Variants in FAM227B observed in about 807,000 individuals in gnomAD.
FAM227B encodes the protein family with sequence similarity 227 member B.
A neutral mutation model predicts 73.8 loss-of-function variants in FAM227B; 88 were observed. The observed-to-expected ratio is 1.19, with a 90% confidence interval of 1.00 to 1.42. The LOEUF is 1.42. Ranked by LOEUF, FAM227B falls within the 40% of genes most tolerant of loss-of-function variation. FAM227B has a pLI of 0.00. For missense variants in FAM227B, 632 were observed against 590.9 expected (o/e 1.07, Z -0.72); for synonymous variants, 210 against 190.5 (o/e 1.10, Z -0.84).
intron 11 of FAM227B, among the ~76,000 whole-genome samples, chr15:49,473,131 A>C (rs2151973843): frequency 6.6e-6 from 1 of 152,224 alleles, no homozygotes; most frequent in Admixed American, 6.5e-5. Flanking sequence ...GTATTTTTTC[A>C]ATTTAGAAAA....
intron 9 of FAM227B, among the ~76,000 whole-genome samples, chr15:49,548,327 G>C (rs1202168640): frequency 1.3e-5 from 2 of 152,132 alleles, no homozygotes; most frequent in Non-Finnish European, 2.9e-5. Flanking sequence ...TACATTGATT[G>C]ATTTGCATAT....
At chr15:49,537,556 A>T in intron 10 of FAM227B, among the ~76,000 whole-genome samples, 1 of 151,926 alleles carries the variant, frequency 6.6e-6, no homozygotes, top group East Asian at 1.9e-4. Flanking sequence ...CAGCAATCTC[A>T]CTTTTGGGTA....
chr15:49,504,426 A>T (rs1297046525), intron 11 of FAM227B, among the ~76,000 whole-genome samples: 1 of 59,338 alleles, frequency 1.7e-5, no homozygotes, highest in African/African-American at 3.5e-5. Context: ...AAAGTATAAT[A>T]AAAAAAAAGA....
At chr15:49,593,106 C>T (rs1951558910) in intron 3 of FAM227B, among the ~76,000 whole-genome samples, 1 of 152,154 alleles carries the variant, frequency 6.6e-6, no homozygotes, top group South Asian at 2.1e-4. Context: ...CTTCCCTTGA[C>T]TAGGAAAGGG....
chr15:49,395,746 G>A (rs12903992), intron 11 of FAM227B, among the ~76,000 whole-genome samples: 9,959 of 152,270 alleles, frequency 0.065, 470 homozygotes, highest in East Asian at 0.18. Flanking sequence ...CAGCGACTAC[G>A]AGGCAGTCTT....
chr15:49,335,966 G>A (rs1427996466), intron 13 of FAM227B, among the ~76,000 whole-genome samples: 1 of 152,026 alleles, frequency 6.6e-6, no homozygotes, highest in Non-Finnish European at 1.5e-5. Context: ...GAATCCTCCT[G>A]CCTCAGCTTC....
intron 10 of FAM227B, among the ~76,000 whole-genome samples, chr15:49,524,738 T>A (rs978387041): frequency 6.6e-6 from 1 of 152,212 alleles, no homozygotes. Flanking sequence ...GGTATGGAAC[T>A]GCCCAAGCCT....
At chr15:49,588,611 T>A (rs1327105616) in intron 4 of FAM227B, among the ~76,000 whole-genome samples, 1 of 120,776 alleles carries the variant, frequency 8.3e-6, no homozygotes, top group Non-Finnish European at 1.7e-5. Flanking sequence ...AAAATTACCT[T>A]TTTTAAAAAA....
chr15:49,616,520 G>C lies in FAM227B; in HGVS notation c.-72-1277C>G, dbSNP rs550926391. ...CTGATGCTCTGTCTATATAAGAGAA[G>C]AGGCTTTGTAAGGACATGGTGAGAA... On this transcript the variant is annotated intron_variant, in intron 1 of 15. Coordinates refer to ENST00000299338, the MANE Select transcript of FAM227B (RefSeq NM_152647.3). Among the ~76,000 whole-genome samples, 43 of 152,150 alleles carry C rather than the reference G, an allele frequency of 2.8e-4. No individual in the cohort carries two copies. The South Asian group carries it at 8.9e-3, about 32-fold the overall frequency.
intron 11 of FAM227B, among the ~76,000 whole-genome samples, chr15:49,384,347 T>C (rs1386867397): frequency 1.3e-5 from 2 of 152,060 alleles, no homozygotes; most frequent in African/African-American, 4.8e-5. Flanking sequence ...ATTCTATCCA[T>C]ATTCATTCAT....
intron 11 of FAM227B, among the ~76,000 whole-genome samples, chr15:49,494,183 TAAATATAA>T (rs1477851195): frequency 6.6e-6 from 1 of 151,622 alleles, no homozygotes; most frequent in East Asian, 1.9e-4. Flanking sequence ...GCTTGAGTCT[TAAATATAA>T]ATATGCATAT....
At position 49,331,863 on chromosome 15, in the gene FAM227B, A is replaced by C. The variant is rs772044819; in HGVS notation, c.1350-14T>G. ...TTTGCTTGGAGTCTAATCATGGAATAAAGAAAATCAGTAACCAAACTAATT... is the reference window on the plus strand; with the variant it reads ...TTTGCTTGGAGTCTAATCATGGAATCAAGAAAATCAGTAACCAAACTAATT... On this transcript the variant is annotated splice_polypyrimidine_tract_variant and intron_variant, in intron 14 of 15. Coordinates refer to ENST00000299338, the MANE Select transcript of FAM227B (RefSeq NM_152647.3). The C allele has an allele frequency of 7.4e-5, 114 of 1,548,194 alleles. No homozygotes were observed. Among genetic ancestry groups the C allele is most frequent in the Non-Finnish European group, 9.5e-5 (106 of 1,120,302 alleles).
chr15:49,412,398 A>G (rs1445648058), intron 11 of FAM227B, among the ~76,000 whole-genome samples: 1 of 152,122 alleles, frequency 6.6e-6, no homozygotes, highest in Admixed American at 6.6e-5. Context: ...CTATGGAAAG[A>G]AGTATAGCTT....
intron 3 of FAM227B, among the ~76,000 whole-genome samples, chr15:49,590,481 T>G (rs935658304): frequency 6.6e-6 from 1 of 152,288 alleles, no homozygotes; most frequent in African/African-American, 2.4e-5. Flanking sequence ...ATAATATCTG[T>G]GGGGAAGGGA....
rs545517834 is a variant in FAM227B at position 49,354,861 on chromosome 15, C to T, written c.1271+12587G>A. On this transcript the variant is annotated intron_variant, in intron 13 of 15. Coordinates refer to ENST00000299338, the MANE Select transcript of FAM227B (RefSeq NM_152647.3). ...CCCTGTCTGACAGCTTTGAAGAGAGCAGTGGTTCTCCCAGCATGCAGCTGG... is the reference window on the plus strand; with the variant it reads ...CCCTGTCTGACAGCTTTGAAGAGAGTAGTGGTTCTCCCAGCATGCAGCTGG... Among the ~76,000 whole-genome samples the T allele has an allele frequency of 4.9e-3, 751 of 151,782 alleles. 9 individuals are homozygous for T. Among genetic ancestry groups the T allele is most frequent in the African/African-American group, 0.017 (711 of 41,358 alleles).
chr15:49,577,704 T>TA, intron 5 of FAM227B, 40 bp from the exon 6 acceptor site: 1 of 1,291,124 alleles, frequency 7.7e-7, no homozygotes, highest in Non-Finnish European at 1.1e-6. Flanking sequence ...AACTCTAAAT[T>TA]AAAGAAATTT....
rs114045997 is a variant in FAM227B at position 49,545,659 on chromosome 15, T to C, written c.748-3853A>G. ...TGAACTTTCCTCTTAGCATGGCTTTTGCTGTGTCCCAGAGGTTTAGATAGG... is the reference window on the plus strand; with the variant it reads ...TGAACTTTCCTCTTAGCATGGCTTTCGCTGTGTCCCAGAGGTTTAGATAGG... On this transcript the variant is annotated intron_variant, in intron 9 of 15. Coordinates refer to ENST00000299338, the MANE Select transcript of FAM227B (RefSeq NM_152647.3). Among the ~76,000 whole-genome samples the C allele has an allele frequency of 5.7e-3, 865 of 152,270 alleles. 9 individuals are homozygous for C. The highest frequency in any genetic ancestry group is 0.02 in the African/African-American group (831 of 41,558).
intron 11 of FAM227B, among the ~76,000 whole-genome samples, chr15:49,448,863 GT>G (rs1416858080): frequency 6.6e-6 from 1 of 151,700 alleles, no homozygotes. Context: ...TTCTTTAGCA[GT>G]CGATTCCAAT....
chr15:49,453,643 G>A (rs1217502393), intron 11 of FAM227B, among the ~76,000 whole-genome samples: 14 of 152,060 alleles, frequency 9.2e-5, no homozygotes, highest in African/African-American at 2.9e-4. Flanking sequence ...CATACATTCC[G>A]AGGTAATTGT....
Sources: allele counts gnomAD v4.1 joint callset (sites outside exome capture counted in the v4.1 genomes callset), GRCh38; gene constraint gnomAD v4.1.1; transcripts MANE v1.5; gene names NCBI Gene and HGNC (gene_info 2026-07-23, HGNC 2026-07-21).